SESTD1: variants seen among roughly 807,000 people sequenced by gnomAD.
SESTD1 encodes the protein SEC14 and spectrin domain containing 1, also known as SEC14 domain and spectrin repeat-containing protein 1.
A neutral mutation model predicts 101.7 loss-of-function variants in SESTD1; 43 were observed. That is an observed-to-expected ratio of 0.42 (90% CI 0.33 to 0.55). SESTD1 has a LOEUF of 0.55. Among genes scored for constraint, SESTD1 ranks in the 20% least tolerant of loss-of-function variants. SESTD1 has a pLI of 0.07. For synonymous variants in SESTD1, 283 were observed against 286.8 expected (o/e 0.99, Z 0.13); for missense variants, 647 against 815.1 (o/e 0.79, Z 2.51).
chr2:179,206,151 C>G (rs115493245), intron 1 of SESTD1, among the ~76,000 whole-genome samples: 1 of 135,118 alleles, frequency 7.4e-6, no homozygotes, highest in South Asian at 2.8e-4. Flanking sequence ...AAATAGGAGA[C>G]AGGACTAACG....
intron 9 of SESTD1, among the ~76,000 whole-genome samples, chr2:179,141,733 T>C (rs1240487189): frequency 6.8e-6 from 1 of 147,520 alleles, no homozygotes; most frequent in Non-Finnish European, 1.5e-5. Context: ...TTGGAAGTGG[T>C]AGAAGAGGGT....
intron 5 of SESTD1, among the ~76,000 whole-genome samples, chr2:179,168,736 T>C (rs1248390436): frequency 1.3e-5 from 2 of 152,208 alleles, no homozygotes; most frequent in African/African-American, 4.8e-5. Context: ...TAAATGAAAG[T>C]AAATATGAAA....
rs1385397445 is a variant in SESTD1 at position 179,207,796 on chromosome 2, G to A, written c.-25-15930C>T. Among the ~76,000 whole-genome samples the A allele has an allele frequency of 9.0e-5, 12 of 133,806 alleles. 1 individual carries two copies. Among genetic ancestry groups the A allele is most frequent in the Admixed American group, 8.8e-4 (12 of 13,714 alleles). 87.8% of individuals were successfully genotyped at this position (133,806 alleles called of 152,430 possible). The stretch of plus-strand genomic sequence containing the variant: ...AGAATGAACCAGAAAAGTAATTCTG[G>A]TAACATGACAAAATGAGGTTCTATA... On this transcript the variant is annotated intron_variant, in intron 1 of 17. Coordinates refer to ENST00000428443, the MANE Select transcript of SESTD1 (RefSeq NM_178123.5).
At chr2:179,120,101 C>T (rs187971845) in intron 13 of SESTD1, among the ~76,000 whole-genome samples, 139 of 152,126 alleles carry the variant, frequency 9.1e-4, no homozygotes, top group Admixed American at 1.4e-3. Flanking sequence ...CAGTGGCACC[C>T]GCCTATAGTC....
intron 10 of SESTD1, 38 bp downstream of exon 10, chr2:179,132,266 T>A: frequency 6.6e-7 from 1 of 1,517,132 alleles, no homozygotes; most frequent in Non-Finnish European, 8.8e-7. Flanking sequence ...CCCACGTTCA[T>A]AATATCATTG....
At chr2:179,130,950 G>C (rs550373685) in intron 10 of SESTD1, among the ~76,000 whole-genome samples, 41 of 152,100 alleles carry the variant, frequency 2.7e-4, no homozygotes, top group Admixed American at 1.7e-3. Context: ...GATTATTTTA[G>C]TATAAAAGGA....
chr2:179,243,991 G>T, intron 1 of SESTD1, among the ~76,000 whole-genome samples: 1 of 150,104 alleles, frequency 6.7e-6, no homozygotes, highest in South Asian at 2.1e-4. Context: ...CAAATGAGGT[G>T]GTGTACACTT....
chr2:179,169,297 T>C (rs2045890167), intron 5 of SESTD1, among the ~76,000 whole-genome samples: 1 of 152,100 alleles, frequency 6.6e-6, no homozygotes, highest in Non-Finnish European at 1.5e-5. Flanking sequence ...GGAGTAGTTA[T>C]ATTAATATCA....
At chr2:179,181,515 C>T (rs1292460181) in intron 3 of SESTD1, among the ~76,000 whole-genome samples, 1 of 152,076 alleles carries the variant, frequency 6.6e-6, no homozygotes, top group African/African-American at 2.4e-5. Context: ...TCATTTGAAC[C>T]TCAGAATTGG....
intron 1 of SESTD1, among the ~76,000 whole-genome samples, chr2:179,233,802 G>A (rs2047021136): frequency 6.6e-6 from 1 of 152,150 alleles, no homozygotes; most frequent in South Asian, 2.1e-4. Flanking sequence ...ATGCATGCAT[G>A]CATGCGTGTG....
chr2:179,114,099 CATA>C (rs948507128), intron 16 of SESTD1, among the ~76,000 whole-genome samples: 10 of 152,206 alleles, frequency 6.6e-5, no homozygotes, highest in South Asian at 2.1e-4. Context: ...TAGTATACTT[CATA>C]ATAATAAAAA....
chr2:179,248,654 A>G (rs1350110380), intron 1 of SESTD1, among the ~76,000 whole-genome samples: 12 of 152,132 alleles, frequency 7.9e-5, no homozygotes, highest in South Asian at 6.2e-4. Flanking sequence ...AATAGGCAAA[A>G]TTCAGTACCT....
intron 5 of SESTD1, among the ~76,000 whole-genome samples, chr2:179,167,767 T>A (rs946596848): frequency 6.6e-6 from 1 of 152,110 alleles, no homozygotes; most frequent in Non-Finnish European, 1.5e-5. Flanking sequence ...AATTTTTACT[T>A]TTTTTTCTTT....
In SESTD1 at chr2:179,124,349, A is replaced by AG. The variant is rs2044821905; in HGVS notation, c.1167+14dup. ...ATAATTTGAAGAAAAGAAAAGAATC[A>AG]GAATAGACACTTACATCTTGGGCAA... is the stretch of plus-strand genomic sequence containing the variant. On this transcript the variant is annotated intron_variant, in intron 11 of 17. Coordinates refer to ENST00000428443, the MANE Select transcript of SESTD1 (RefSeq NM_178123.5). 1.9e-6 allele frequency: 3 copies of AG among 1,598,154 alleles called. No homozygotes were observed. The East Asian group carries it at 6.7e-5, about 36-fold the overall frequency.
intron 2 of SESTD1, among the ~76,000 whole-genome samples, chr2:179,186,076 A>T (rs2046227901): frequency 7.2e-6 from 1 of 139,002 alleles, no homozygotes; most frequent in Non-Finnish European, 1.6e-5. Context: ...TATACAATAT[A>T]TAATATAATA....
rs2046727124 is a variant in SESTD1, at chr2:179,216,759, A to G, written c.-25-24893T>C. Among the ~76,000 whole-genome samples the G allele has an allele frequency of 2.2e-5, 3 of 135,118 alleles. 1 individual carries two copies. The allele number at this position is 135,118 out of a possible 152,430, so 88.6% of individuals were successfully genotyped here. A position where few individuals can be genotyped will look rare whatever the true frequency, so the allele number is the denominator to read the frequency against. On this transcript the variant is annotated intron_variant, in intron 1 of 17. Transcript: ENST00000428443. ...ACTACAAGTCTACAGTAACCAAAACAGCATGGTACTGGTACCAAAACAGAC... is the reference window on the plus strand; with the variant it reads ...ACTACAAGTCTACAGTAACCAAAACGGCATGGTACTGGTACCAAAACAGAC...
At chr2:179,167,634 AG>A (rs35282951) in intron 5 of SESTD1, among the ~76,000 whole-genome samples, 23,917 of 152,174 alleles carry the variant, frequency 0.16, 3,040 homozygotes, top group African/African-American at 0.36. Context: ...AAGTGCCTGA[AG>A]GGGGAAAAAA....
Position 179,205,504 on chromosome 2 carries a change from G to A in SESTD1, c.-25-13638C>T, listed in dbSNP as rs926504163. On this transcript the variant is annotated intron_variant, in intron 1 of 17. Transcript: ENST00000428443. The stretch of plus-strand genomic sequence containing the variant: ...AAAAGGAAAATGGTTTTAGTTTCTC[G>A]GTCTAGATTTACTTTGGCAAACTAT... 2.8e-4 allele frequency among the ~76,000 whole-genome samples: 38 copies of A among 134,276 alleles called. 9 individuals carry two copies. The highest frequency in any genetic ancestry group is 1.1e-3 in the African/African-American group (36 of 34,026). 88.1% of individuals were successfully genotyped at this position (134,276 alleles called of 152,430 possible).
chr2:179,171,548 A>C (rs893251685), intron 5 of SESTD1, among the ~76,000 whole-genome samples: 1 of 152,128 alleles, frequency 6.6e-6, no homozygotes, highest in African/African-American at 2.4e-5. Context: ...CAACTCTCCT[A>C]CTGGGAAGTT....
Sources: allele counts gnomAD v4.1 joint callset (sites outside exome capture counted in the v4.1 genomes callset), GRCh38; gene constraint gnomAD v4.1.1; transcripts MANE v1.5; gene names NCBI Gene and HGNC (gene_info 2026-07-23, HGNC 2026-07-21).